Variants in ARMH3 observed in about 807,000 individuals in gnomAD.
ARMH3 encodes the protein armadillo-like helical domain-containing protein 3.
In ARMH3, 60 loss-of-function variants were observed where a neutral mutation model predicts 99.1. The ratio of observed to expected loss-of-function variants is 0.61; its 90% CI spans 0.49 to 0.75. ARMH3 has a LOEUF of 0.75. Among genes scored for constraint, ARMH3 ranks in the 30% least tolerant of loss-of-function variants. The pLI is 0.00. For synonymous variants in ARMH3, 285 were observed against 292.8 expected (o/e 0.97, Z 0.27); for missense variants, 679 against 843.1 (o/e 0.81, Z 2.41).
intron 19 of ARMH3, among the ~76,000 whole-genome samples, chr10:101,976,605 T>A (rs553266068): frequency 2.0e-5 from 3 of 152,172 alleles, no homozygotes; most frequent in Admixed American, 2.0e-4. Context: ...AGTGGTATAG[T>A]GACATGGAAT....
At chr10:101,873,764 C>T (rs1489695901) in intron 24 of ARMH3, among the ~76,000 whole-genome samples, 1 of 152,152 alleles carries the variant, frequency 6.6e-6, no homozygotes, top group Non-Finnish European at 1.5e-5. Context: ...GTTTCTTTCA[C>T]TTATCATAAT....
intron 1 of ARMH3, among the ~76,000 whole-genome samples, chr10:102,044,965 G>A (rs765287840): frequency 2.0e-5 from 3 of 151,752 alleles, no homozygotes; most frequent in South Asian, 2.1e-4. Flanking sequence ...GCAAAACCCC[G>A]TCTCTACTAA....
chr10:102,046,783 T>C (rs2067564118), intron 1 of ARMH3, among the ~76,000 whole-genome samples: 1 of 152,180 alleles, frequency 6.6e-6, no homozygotes, highest in Admixed American at 6.5e-5. Flanking sequence ...GGCAGAGGAA[T>C]GAGCAGGAGC....
intron 22 of ARMH3, among the ~76,000 whole-genome samples, chr10:101,944,085 T>C (rs901304518): frequency 6.7e-6 from 1 of 149,016 alleles, no homozygotes; most frequent in Admixed American, 6.7e-5. Flanking sequence ...AAAAATCTAT[T>C]AGAAATACGT....
intron 23 of ARMH3, among the ~76,000 whole-genome samples, chr10:101,928,625 T>C (rs2135651034): frequency 6.6e-6 from 1 of 152,140 alleles, no homozygotes; most frequent in African/African-American, 2.4e-5. Context: ...GCTATGATTA[T>C]GCCACTGCAC....
chr10:102,008,701 C>T (rs922680834), intron 13 of ARMH3, among the ~76,000 whole-genome samples: 6 of 151,932 alleles, frequency 3.9e-5, no homozygotes, highest in East Asian at 1.9e-4. Context: ...TACAGGCGTC[C>T]GCCACCACGC....
At chr10:101,904,950 CAA>C (rs34831483) in intron 23 of ARMH3, among the ~76,000 whole-genome samples, 17 of 91,480 alleles carry the variant, frequency 1.9e-4, no homozygotes, top group East Asian at 3.3e-4. Context: ...GACTCCATCT[CAA>C]AAAAAAAAAA....
In ARMH3 at chr10:101,848,725, G is replaced by A. The variant is rs979254646; in HGVS notation, c.1977+1051C>T. On this transcript the variant is annotated intron_variant, in intron 25 of 25. Coordinates refer to ENST00000370033, the MANE Select transcript of ARMH3 (RefSeq NM_024541.3). ...AGAACTGAGTAAGGCCGTGGTGAGT[G>A]TCTCAGAGCCTCGAGACACCGCTCC... is the stretch of plus-strand genomic sequence containing the variant. 2.6e-5 allele frequency among the ~76,000 whole-genome samples: 4 copies of A among 152,176 alleles called. No individual in the cohort carries two copies. The South Asian group carries it at 6.2e-4, about 24-fold the overall frequency.
At chr10:102,006,515 A>G in intron 14 of ARMH3, 25 bp downstream of exon 14, 1 of 1,601,120 alleles carries the variant, frequency 6.2e-7, no homozygotes, top group Non-Finnish European at 8.6e-7. Context: ...ATTAACCAAG[A>G]AAAACAAAGT....
At chr10:101,889,562 C>T in intron 23 of ARMH3, 72 bp from the exon 24 acceptor site, 1 of 1,369,110 alleles carries the variant, frequency 7.3e-7, no homozygotes, top group Non-Finnish European at 1.0e-6. Flanking sequence ...AAATAAGGAT[C>T]AAGTACCCTC....
exon 1 of ARMH3, chr10:102,056,159 CTGCTCCGGGCTCACG>C (rs1483379421): frequency 6.6e-6 from 1 of 152,262 alleles, no homozygotes; most frequent in East Asian, 1.9e-4. Context: ...GACGCTGCCG[CTGCTCCGGGCTCACG>C]GGCGCGCTCC....
chr10:101,895,170 A>C (rs912211652), intron 23 of ARMH3, among the ~76,000 whole-genome samples: 1 of 152,214 alleles, frequency 6.6e-6, no homozygotes, highest in Non-Finnish European at 1.5e-5. Flanking sequence ...TGGGACAAGT[A>C]GTTATCCACA....
In ARMH3 at chr10:102,013,965, C is replaced by A. The variant is rs373186352; in HGVS notation, c.726+3G>T. Reference sequence around the variant, plus strand: ...GACAATACACAAGGATCCAGATACTCACATTGAGTGTGGCCTCATCATCCA... The same window carrying A: ...GACAATACACAAGGATCCAGATACTAACATTGAGTGTGGCCTCATCATCCA... On this transcript the variant is annotated splice_donor_region_variant and intron_variant, in intron 9 of 25. Coordinates refer to ENST00000370033, the MANE Select transcript of ARMH3 (RefSeq NM_024541.3). 6.2e-7 allele frequency: 1 copy of A among 1,600,380 alleles called. No homozygotes were observed. Among genetic ancestry groups the A allele is most frequent in the Admixed American group, 1.7e-5 (1 of 58,178 alleles).
chr10:102,018,808 T>A (rs549318064), intron 8 of ARMH3, among the ~76,000 whole-genome samples: 1 of 152,036 alleles, frequency 6.6e-6, no homozygotes, highest in East Asian at 1.9e-4. Context: ...TACAAAAAAA[T>A]TAGCTGGGCA....
chr10:101,921,586 T>C (rs148311182), intron 23 of ARMH3, among the ~76,000 whole-genome samples: 1 of 152,298 alleles, frequency 6.6e-6, no homozygotes, highest in East Asian at 1.9e-4. Context: ...AACCTAAGTG[T>C]CTACGAATGG....
chr10:101,993,329 G>C (rs1161981644), intron 17 of ARMH3, among the ~76,000 whole-genome samples: 1 of 150,180 alleles, frequency 6.7e-6, no homozygotes, highest in African/African-American at 2.4e-5. Context: ...CCACGCTTGT[G>C]AATCTTCCAA....
chr10:102,007,288 G>A, intron 13 of ARMH3, among the ~76,000 whole-genome samples: 1 of 146,382 alleles, frequency 6.8e-6, no homozygotes. Flanking sequence ...TTTATCTTAA[G>A]CAACTAGGTT....
intron 20 of ARMH3, among the ~76,000 whole-genome samples, chr10:101,968,866 A>G (rs1036513032): frequency 2.0e-5 from 3 of 152,196 alleles, no homozygotes; most frequent in Non-Finnish European, 4.4e-5. Context: ...TTTCATAACT[A>G]CATTATAGAA....
chr10:102,022,667 G>A lies in ARMH3; in HGVS notation c.669+810C>T, dbSNP rs546797692. On this transcript the variant is annotated intron_variant, in intron 8 of 25. Coordinates refer to ENST00000370033, the MANE Select transcript of ARMH3 (RefSeq NM_024541.3). ...GCAATCTGGGCTCACTACAAACTCC[G>A]CCTCCCGGGTTCATGCCATTCTCCT... is the stretch of plus-strand genomic sequence containing the variant. Among the ~76,000 whole-genome samples the A allele has an allele frequency of 8.1e-4, 120 of 147,990 alleles. 1 individual carries two copies. Among genetic ancestry groups the A allele is most frequent in the African/African-American group, 2.9e-3 (117 of 40,830 alleles).
Sources: gnomAD v4.1 joint callset for allele counts (sites outside exome capture counted in the v4.1 genomes callset) on GRCh38, gnomAD v4.1.1 for gene constraint, MANE v1.5 for transcripts, NCBI Gene and HGNC (gene_info 2026-07-23, HGNC 2026-07-21) for gene names.